ADARB2: variants seen among roughly 807,000 people sequenced by gnomAD.
ADARB2 encodes the protein inactive double-stranded RNA-specific editase B2.
In ADARB2, 25 loss-of-function variants were observed where a neutral mutation model predicts 62.2. The observed-to-expected ratio is 0.40, with a 90% CI of 0.29 to 0.56. The LOEUF (loss-of-function observed/expected upper bound fraction) is 0.56. ADARB2 is among the 20% of genes least tolerant of loss of function. The pLI is 0.43. For synonymous variants in ADARB2, 572 were observed against 500.8 expected (o/e 1.14, Z -1.90); for missense variants, 1,071 against 1,077.4 (o/e 0.99, Z 0.08).
chr10:1,695,685 CATGAAT>C (rs1564369831), intron 1 of ADARB2, among the ~76,000 whole-genome samples: 1 of 152,044 alleles, frequency 6.6e-6, no homozygotes, highest in Non-Finnish European at 1.5e-5. Context: ...ATGCAAGAAA[CATGAAT>C]GTGTGTGCAT....
rs1251411911 is a variant in ADARB2 at position 1,179,264 on chromosome 10, T to C, written c.*3929A>G. 1 of 151,144 alleles carries C rather than the reference T, an allele frequency of 6.6e-6. No homozygotes were observed. The highest frequency in any genetic ancestry group is 1.5e-5 in the Non-Finnish European group (1 of 67,878). 9.4% of individuals were successfully genotyped at this position (151,144 alleles called of 1,614,324 possible). On this transcript the variant is annotated 3_prime_UTR_variant, in exon 10 of 10. Coordinates refer to ENST00000381312, the MANE Select transcript of ADARB2 (RefSeq NM_018702.4). ...AGAAAAGCTCCCTGTGAAAACAAAA[T>C]GAGATGGAGAAATATGATCTGTGTG... is the stretch of plus-strand genomic sequence containing the variant.
At position 1,375,983 on chromosome 10, in the gene ADARB2, GCA is replaced by G. The variant is rs762266498; in HGVS notation, c.187+3089_187+3090del. ...CACACACACACATGTGCACACACAC[GCA>G]CACACACGCACATGACACATATACA... On this transcript the variant is annotated intron_variant, in intron 2 of 9. Coordinates refer to ENST00000381312, the MANE Select transcript of ADARB2 (RefSeq NM_018702.4). Among the ~76,000 whole-genome samples, 299 of 148,524 alleles carry G rather than the reference GCA, an allele frequency of 2.0e-3. 1 individual carries two copies. Among genetic ancestry groups the G allele is most frequent in the Non-Finnish European group, 3.4e-3 (228 of 67,406 alleles).
chr10:1,684,884 G>T (rs1412271155), intron 1 of ADARB2, among the ~76,000 whole-genome samples: 1 of 152,206 alleles, frequency 6.6e-6, no homozygotes, highest in Non-Finnish European at 1.5e-5. Context: ...CTCACAGGTG[G>T]GAAGTCAGAG....
In ADARB2 at chr10:1,379,151, C is replaced by T; in HGVS notation, c.110G>A (p.Ser37Asn). 6.2e-7 allele frequency: 1 copy of T among 1,611,946 alleles called. No homozygotes were observed. Among genetic ancestry groups the T allele is most frequent in the Non-Finnish European group, 8.5e-7 (1 of 1,178,154 alleles). Residue 37 changes from serine (S) to asparagine (N), a missense_variant, in exon 2 of 10, where the codon AGC (serine) becomes AAC (asparagine). Transcript: ENST00000381312. ...RRRSKRKDKVSILSTFLAPFK... is the reference protein window; with the variant it reads ...RRRSKRKDKVNILSTFLAPFK... ...AGGAGCGAGGAAGGTTGACAATATG[C>T]TTACTTTATCTGGAAAGAAAAGAAC... is the stretch of plus-strand genomic sequence containing the variant.
intron 5 of ADARB2, among the ~76,000 whole-genome samples, chr10:1,235,557 TGTTTACTCCCCCCTGC>T (rs2131772791): frequency 2.1e-5 from 1 of 46,908 alleles, no homozygotes; most frequent in East Asian, 5.1e-4. Flanking sequence ...TCCCTCCCGG[TGTTTACTCCCCCCTGC>T]CTCCCGGTGT....
intron 1 of ADARB2, among the ~76,000 whole-genome samples, chr10:1,411,303 G>C (rs565363795): frequency 2.4e-4 from 37 of 152,306 alleles, no homozygotes; most frequent in East Asian, 1.9e-4. Flanking sequence ...GGCTTCGGGG[G>C]AACACAGTGC....
intron 1 of ADARB2, among the ~76,000 whole-genome samples, chr10:1,587,960 A>G (rs12257191): frequency 0.023 from 3,464 of 152,168 alleles, 123 homozygotes; most frequent in African/African-American, 0.078. Context: ...AGTCTCATGG[A>G]ACTGTGAGTC....
chr10:1,728,576 A>C (rs1226416874), intron 1 of ADARB2, among the ~76,000 whole-genome samples: 1 of 152,210 alleles, frequency 6.6e-6, no homozygotes, highest in Non-Finnish European at 1.5e-5. Flanking sequence ...CATGCCTTCT[A>C]TTCATTACCC....
intron 1 of ADARB2, among the ~76,000 whole-genome samples, chr10:1,541,901 G>A: frequency 9.6e-5 from 2 of 20,894 alleles, no homozygotes; most frequent in African/African-American, 4.2e-4. Context: ...GCACTCAGAT[G>A]TAGTTCAGAC....
intron 1 of ADARB2, among the ~76,000 whole-genome samples, chr10:1,692,838 T>C (rs1353752448): frequency 1.3e-5 from 2 of 152,234 alleles, no homozygotes; most frequent in Non-Finnish European, 2.9e-5. Flanking sequence ...AATTGAAGTC[T>C]TTTGATCTCA....
intron 4 of ADARB2, among the ~76,000 whole-genome samples, chr10:1,258,889 A>T (rs929572765): frequency 1.3e-5 from 2 of 152,234 alleles, no homozygotes; most frequent in Non-Finnish European, 2.9e-5. Flanking sequence ...AATTGACCAC[A>T]TAGTTGGAAG....
intron 1 of ADARB2, among the ~76,000 whole-genome samples, chr10:1,548,966 G>C (rs181663394): frequency 2.6e-5 from 4 of 152,260 alleles, no homozygotes; most frequent in East Asian, 1.9e-4. Flanking sequence ...CCACAGGGGC[G>C]GGGGAGAGAG....
chr10:1,455,463 A>G (rs749848125), intron 1 of ADARB2, among the ~76,000 whole-genome samples: 13 of 152,030 alleles, frequency 8.6e-5, no homozygotes, highest in Non-Finnish European at 1.3e-4. Flanking sequence ...GAACAAAAAT[A>G]AAAAAAAAGA....
At chr10:1,661,215 CTTCT>C (rs1259911219) in intron 1 of ADARB2, among the ~76,000 whole-genome samples, 3 of 152,162 alleles carry the variant, frequency 2.0e-5, no homozygotes, top group South Asian at 2.1e-4. Context: ...TGTTTCCTTT[CTTCT>C]TTCTTTAACT....
At chr10:1,592,224 C>T (rs535424448) in intron 1 of ADARB2, among the ~76,000 whole-genome samples, 192 of 151,314 alleles carry the variant, frequency 1.3e-3, no homozygotes, top group Non-Finnish European at 2.4e-3. Context: ...GCTCCTCCTC[C>T]GTGCCACATG....
In ADARB2 at chr10:1,675,995, C is replaced by A. The variant is rs1024634046; in HGVS notation, c.100+61056G>T. ...TGGAGTAAGGGCTGCATCCCACCCA[C>A]CCCCGACTTTGGTAAGAGGCTGTGA... On this transcript the variant is annotated intron_variant, in intron 1 of 9. Transcript: ENST00000381312. 4.1e-6 allele frequency: 4 copies of A among 984,394 alleles called. No homozygotes were observed. The African/African-American group carries it at 7.0e-5, about 17-fold the overall frequency. The allele number at this position is 984,394 out of a possible 1,614,324, so 61.0% of individuals were successfully genotyped here.
intron 1 of ADARB2, among the ~76,000 whole-genome samples, chr10:1,447,497 A>T (rs1197399639): frequency 3.3e-5 from 5 of 152,188 alleles, no homozygotes; most frequent in Non-Finnish European, 5.9e-5. Flanking sequence ...AGAGTACAGA[A>T]GTCCAGCCAT....
intron 3 of ADARB2, among the ~76,000 whole-genome samples, chr10:1,288,870 C>G (rs1438375336): frequency 6.6e-6 from 1 of 152,078 alleles, no homozygotes; most frequent in Non-Finnish European, 1.5e-5. Context: ...CTGGTGTAAG[C>G]CAAAAATAAA....
At chr10:1,280,979 G>A (rs763796103) in intron 3 of ADARB2, among the ~76,000 whole-genome samples, 1 of 152,350 alleles carries the variant, frequency 6.6e-6, no homozygotes, top group African/African-American at 2.4e-5. Flanking sequence ...TTTGGGGGCC[G>A]TGGGTTACGG....
Sources: allele counts gnomAD v4.1 joint callset (sites outside exome capture counted in the v4.1 genomes callset), GRCh38; gene constraint gnomAD v4.1.1; transcripts MANE v1.5; gene names NCBI Gene and HGNC (gene_info 2026-07-23, HGNC 2026-07-21).